AK5: variants seen among roughly 807,000 people sequenced by gnomAD.
AK5 encodes adenylate kinase isoenzyme 5.
AK5 carries 27 observed loss-of-function variants against 69.5 expected under a neutral mutation model. That is an observed-to-expected ratio of 0.39 (90% CI 0.29 to 0.54). The LOEUF is 0.54. Among genes scored for constraint, AK5 ranks in the 20% least tolerant of loss-of-function variants. The pLI is 0.71. For synonymous variants in AK5, 260 were observed against 244.4 expected, an observed-to-expected ratio of 1.06 and a Z score of -0.60; for missense variants, 531 against 700.4, an observed-to-expected ratio of 0.76 and a Z score of 2.73.
At chr1:77,543,462 T>C in intron 13 of AK5, among the ~76,000 whole-genome samples, 1 of 89,738 alleles carries the variant, frequency 1.1e-5, no homozygotes, top group East Asian at 4.3e-4. Context: ...CAAATGACAG[T>C]TTGACTGGAC....
intron 8 of AK5, among the ~76,000 whole-genome samples, chr1:77,454,238 A>G (rs367806585): frequency 7.9e-5 from 12 of 151,838 alleles, no homozygotes; most frequent in African/African-American, 2.9e-4. Flanking sequence ...TAAACTACCA[A>G]CCCCTCTTTA....
intron 6 of AK5, among the ~76,000 whole-genome samples, chr1:77,397,724 G>A (rs1201169749): frequency 6.6e-6 from 1 of 152,020 alleles, no homozygotes; most frequent in African/African-American, 2.4e-5. Context: ...GTGAGACCTT[G>A]TCTCTACAAA....
intron 8 of AK5, among the ~76,000 whole-genome samples, chr1:77,453,451 C>A (rs866927661): frequency 6.6e-6 from 1 of 152,178 alleles, no homozygotes; most frequent in Non-Finnish European, 1.5e-5. Flanking sequence ...TGTAACTTGG[C>A]TCCATTCATT....
chr1:77,475,195 A>ATATATATATATATGTG (rs1182380859), intron 8 of AK5, among the ~76,000 whole-genome samples: 35 of 29,144 alleles, frequency 1.2e-3, no homozygotes, highest in African/African-American at 4.7e-3. Flanking sequence ...ATATATATAT[A>ATATATATATATATGTG]TGTGTGTGTG....
intron 6 of AK5, among the ~76,000 whole-genome samples, chr1:77,358,742 C>A (rs946483619): frequency 1.3e-5 from 2 of 151,186 alleles, no homozygotes; most frequent in Admixed American, 1.3e-4. Flanking sequence ...ATTATTTTTT[C>A]TTACCTCAGA....
In AK5 at chr1:77,287,221, G is replaced by T. The variant is rs528202509; in HGVS notation, c.247+94G>T. The T allele has an allele frequency of 6.3e-4, 582 of 919,050 alleles. No individual in the cohort carries two copies. The Middle Eastern group carries it at 9.8e-3, about 16-fold the overall frequency. 56.9% of individuals were successfully genotyped at this position (919,050 alleles called of 1,614,324 possible). ...ACTATACACAGTGATTTCATTTTTT[G>T]AGTTTATAAATGCCTGAAGTCATTG... On this transcript the variant is annotated intron_variant, in intron 2 of 13. Coordinates refer to ENST00000354567, the MANE Select transcript of AK5 (RefSeq NM_174858.3).
rs1650013515 is a variant in AK5 at position 77,411,078 on chromosome 1, C to T, written c.982+7C>T. On this transcript the variant is annotated splice_region_variant and intron_variant, in intron 7 of 13. Transcript: ENST00000354567. ...AACAAAGAGGCTGCAGCAGGTAAGT[C>T]ACTGTGTCCTTTAGACAACAGTACG... is the stretch of plus-strand genomic sequence containing the variant. 6.2e-7 allele frequency: 1 copy of T among 1,611,652 alleles called. No individual in the cohort carries two copies. Among genetic ancestry groups the T allele is most frequent in the Non-Finnish European group, 8.5e-7 (1 of 1,178,940 alleles).
At chr1:77,312,836 G>T (rs1181321909) in intron 5 of AK5, among the ~76,000 whole-genome samples, 1 of 151,954 alleles carries the variant, frequency 6.6e-6, no homozygotes, top group Non-Finnish European at 1.5e-5. Flanking sequence ...CCACAGTGCT[G>T]CCTTCTTCCC....
chr1:77,387,364 T>A (rs1407706600), intron 6 of AK5, among the ~76,000 whole-genome samples: 1 of 152,146 alleles, frequency 6.6e-6, no homozygotes, highest in Non-Finnish European at 1.5e-5. Context: ...GATACACAAT[T>A]TTTTCATCTC....
chr1:77,373,744 AC>A (rs1416344795), intron 6 of AK5, among the ~76,000 whole-genome samples: 14 of 147,628 alleles, frequency 9.5e-5, no homozygotes, highest in Admixed American at 1.4e-4. Context: ...AAAAAAAAAA[AC>A]AAAAAACATA....
At chr1:77,353,429 A>T (rs1662323073) in intron 6 of AK5, among the ~76,000 whole-genome samples, 1 of 152,080 alleles carries the variant, frequency 6.6e-6, no homozygotes, top group African/African-American at 2.4e-5. Flanking sequence ...AGTGAGCCAA[A>T]ATCGTGCCAC....
intron 10 of AK5, among the ~76,000 whole-genome samples, chr1:77,508,830 G>C (rs1206115899): frequency 6.7e-6 from 1 of 150,184 alleles, no homozygotes; most frequent in East Asian, 2.0e-4. Context: ...TCATGCCATT[G>C]CACTCCAGCC....
intron 10 of AK5, among the ~76,000 whole-genome samples, chr1:77,502,281 T>C (rs543421085): frequency 4.1e-4 from 62 of 152,300 alleles, no homozygotes; most frequent in African/African-American, 1.4e-3. Flanking sequence ...TCCAGAGTTA[T>C]CTCATGTCCC....
intron 5 of AK5, 73 bp downstream of exon 5, chr1:77,298,020 T>G: frequency 9.2e-7 from 1 of 1,088,376 alleles, no homozygotes; most frequent in South Asian, 1.5e-5. Context: ...CAAAAAGACT[T>G]CTTGGAAGAC....
intron 12 of AK5, among the ~76,000 whole-genome samples, chr1:77,532,557 G>T (rs1219911408): frequency 6.6e-6 from 1 of 152,176 alleles, no homozygotes; most frequent in Non-Finnish European, 1.5e-5. Flanking sequence ...ACCTCTGAGG[G>T]CCTCCATTTC....
Position 77,308,690 on chromosome 1 carries a change from T to C in AK5, c.699+10743T>C, listed in dbSNP as rs368823051. Among the ~76,000 whole-genome samples, 5 of 152,200 alleles carry C rather than the reference T, an allele frequency of 3.3e-5. No individual in the cohort carries two copies. In the East Asian group the frequency reaches 7.7e-4, roughly 24 times the overall value. The stretch of plus-strand genomic sequence containing the variant: ...AGTGGGGCGAAAAGGTGGATTTCCA[T>C]AGGGAGGTTTTATTAACCAAGCAGT... On this transcript the variant is annotated intron_variant, in intron 5 of 13. Coordinates refer to ENST00000354567, the MANE Select transcript of AK5 (RefSeq NM_174858.3).
chr1:77,478,402 G>A (rs754584018), intron 8 of AK5, among the ~76,000 whole-genome samples: 2 of 152,136 alleles, frequency 1.3e-5, no homozygotes, highest in Non-Finnish European at 2.9e-5. Context: ...ATAGTGAATG[G>A]GTCTCAGGAG....
chr1:77,361,303 C>T (rs189937520), intron 6 of AK5, among the ~76,000 whole-genome samples: 116 of 152,270 alleles, frequency 7.6e-4, no homozygotes, highest in Non-Finnish European at 1.4e-3. Context: ...GGAGCTCTAA[C>T]TTTGGTCTCA....
chr1:77,450,084 T>G (rs1653046130), intron 8 of AK5, among the ~76,000 whole-genome samples: 1 of 152,186 alleles, frequency 6.6e-6, no homozygotes, highest in Admixed American at 6.5e-5. Context: ...GCTTCCAGTC[T>G]CTGCTAAAAC....
Sources: allele counts gnomAD v4.1 joint callset (sites outside exome capture counted in the v4.1 genomes callset), GRCh38; gene constraint gnomAD v4.1.1; transcripts MANE v1.5; gene names NCBI Gene and HGNC (gene_info 2026-07-23, HGNC 2026-07-21).